UBE2L3: variants seen among roughly 807,000 people sequenced by gnomAD.
UBE2L3 encodes ubiquitin conjugating enzyme E2 L3, also known as ubiquitin-conjugating enzyme E2 L3.
Under a neutral mutation model 17.8 loss-of-function variants are expected in UBE2L3, and 1 was observed. That is an observed-to-expected ratio of 0.06 (90% CI 0.02 to 0.27). The LOEUF is 0.27. Among genes scored for constraint, UBE2L3 ranks in the 10% least tolerant of loss-of-function variants. The pLI is 1.00. For synonymous variants in UBE2L3, 44 were observed against 68.5 expected (o/e 0.64, Z 1.76); for missense variants, 40 against 192.6 (o/e 0.21, Z 4.69).
At chr22:21,587,556 A>C (rs773061298) in intron 1 of UBE2L3, among the ~76,000 whole-genome samples, 1 of 152,182 alleles carries the variant, frequency 6.6e-6, no homozygotes, top group Non-Finnish European at 1.5e-5. Context: ...GATTTTGAAC[A>C]GTTTTCTAGG....
intron 2 of UBE2L3, among the ~76,000 whole-genome samples, chr22:21,606,066 C>T (rs1929141086): frequency 1.3e-5 from 2 of 152,206 alleles, no homozygotes; most frequent in African/African-American, 4.8e-5. Context: ...TGTTGCTACT[C>T]CCATTTTACA....
In UBE2L3 at chr22:21,623,730, T is replaced by C. The variant is rs1930168252; in HGVS notation, c.*2061T>C. 1 of 152,814 alleles carries C rather than the reference T, an allele frequency of 6.5e-6. No homozygotes were observed. The highest frequency in any genetic ancestry group is 1.5e-5 in the Non-Finnish European group (1 of 68,090). The allele number at this position is 152,814 out of a possible 1,614,324, so 9.5% of individuals were successfully genotyped here. On this transcript the variant is annotated 3_prime_UTR_variant, in exon 4 of 4. Coordinates refer to ENST00000342192, the MANE Select transcript of UBE2L3 (RefSeq NM_003347.4). ...GGCTTGGCTTTCGAGCCAGTGGGTGTCTCTCCTTTGGGCCTGGGCGGCTTG... is the reference window on the plus strand; with the variant it reads ...GGCTTGGCTTTCGAGCCAGTGGGTGCCTCTCCTTTGGGCCTGGGCGGCTTG...
intron 2 of UBE2L3, among the ~76,000 whole-genome samples, chr22:21,598,601 A>G (rs1353256573): frequency 7.0e-6 from 1 of 143,066 alleles, no homozygotes; most frequent in Non-Finnish European, 1.5e-5. Context: ...GCTCACACCT[A>G]TATTCCCAGC....
At chr22:21,617,623 C>G (rs1050624237) in intron 3 of UBE2L3, among the ~76,000 whole-genome samples, 2 of 152,036 alleles carry the variant, frequency 1.3e-5, no homozygotes, top group Non-Finnish European at 2.9e-5. Flanking sequence ...TTCTGAGGAG[C>G]ATTTGGGTCA....
chr22:21,598,959 C>A (rs1928707512), intron 2 of UBE2L3, among the ~76,000 whole-genome samples: 1 of 152,066 alleles, frequency 6.6e-6, no homozygotes, highest in African/African-American at 2.4e-5. Flanking sequence ...TTTGCCTCAG[C>A]CTCCCTGGCA....
In UBE2L3 at chr22:21,622,790, A is replaced by G. The variant is rs1930107883; in HGVS notation, c.*1121A>G. On this transcript the variant is annotated 3_prime_UTR_variant, in exon 4 of 4. Coordinates refer to ENST00000342192, the MANE Select transcript of UBE2L3 (RefSeq NM_003347.4). Reference sequence around the variant, plus strand: ...AGAGCAGCCAGCCCAGCCCGGGAACAAGACGGACTTCCTCTCCCTTCGGAC... The same window carrying G: ...AGAGCAGCCAGCCCAGCCCGGGAACGAGACGGACTTCCTCTCCCTTCGGAC... 1 of 152,886 alleles carries G rather than the reference A, an allele frequency of 6.5e-6. No individual in the cohort carries two copies. The highest frequency in any genetic ancestry group is 2.1e-4 in the South Asian group (1 of 4,822). The allele number at this position is 152,886 out of a possible 1,614,324, so 9.5% of individuals were successfully genotyped here.
chr22:21,591,833 G>A (rs866362644), intron 1 of UBE2L3, among the ~76,000 whole-genome samples: 2 of 152,332 alleles, frequency 1.3e-5, no homozygotes, highest in Middle Eastern at 3.4e-3. Context: ...TGCCTGACAG[G>A]TGTGGAGGCG....
intron 1 of UBE2L3, among the ~76,000 whole-genome samples, chr22:21,592,047 C>CA (rs1300014605): frequency 1.3e-5 from 2 of 152,246 alleles, no homozygotes; most frequent in Admixed American, 6.5e-5. Context: ...AAACAGGTGA[C>CA]AGACAGTTCT....
chr22:21,564,554 C>T (rs574401743), upstream of UBE2L3, among the ~76,000 whole-genome samples: 5 of 152,268 alleles, frequency 3.3e-5, no homozygotes, highest in African/African-American at 9.6e-5. Context: ...TGTAGCTCAG[C>T]GGCTTGACTC....
intron 3 of UBE2L3, among the ~76,000 whole-genome samples, chr22:21,613,998 A>T (rs1201063210): frequency 1.3e-5 from 2 of 152,200 alleles, no homozygotes; most frequent in African/African-American, 4.8e-5. Flanking sequence ...AATAGACTTC[A>T]GCTCTTGATG....
Position 21,552,813 on chromosome 22 carries a change from T to A in UBE2L3, c.201+3163T>A, listed in dbSNP as rs1374707778. On this transcript the variant is annotated intron_variant, in intron 1 of 3. Coordinates refer to the UBE2L3 transcript ENST00000458578. ...ATCTCTGCTCACTGCAAGCTCCGCC[T>A]CCTGAGTTCACGCCATTCTCCTGCC... Among the ~76,000 whole-genome samples, 3 of 116,966 alleles carry A rather than the reference T, an allele frequency of 2.6e-5. No individual in the cohort carries two copies. The East Asian group carries it at 7.4e-4, about 29-fold the overall frequency. 76.7% of individuals were successfully genotyped at this position (116,966 alleles called of 152,430 possible). A position where few individuals can be genotyped will look rare whatever the true frequency, so the allele number is the denominator to read the frequency against.
chr22:21,579,800 T>G (rs1163911162), intron 1 of UBE2L3, among the ~76,000 whole-genome samples: 1 of 152,086 alleles, frequency 6.6e-6, no homozygotes, highest in Non-Finnish European at 1.5e-5. Flanking sequence ...ATGATTTTAG[T>G]GTCATTGCTA....
intron 1 of UBE2L3, among the ~76,000 whole-genome samples, chr22:21,586,874 CCT>C (rs1568976992): frequency 2.2e-5 from 3 of 137,972 alleles, no homozygotes; most frequent in Admixed American, 7.8e-5. Flanking sequence ...CTGTGCCCGG[CCT>C]TTTTTTTTTT....
At chr22:21,598,931 C>G (rs1928705753) in intron 2 of UBE2L3, among the ~76,000 whole-genome samples, 1 of 151,966 alleles carries the variant, frequency 6.6e-6, no homozygotes, top group Non-Finnish European at 1.5e-5. Flanking sequence ...GCCTCTACCT[C>G]CTGGGTTCAA....
chr22:21,591,288 G>C (rs1928251430), intron 1 of UBE2L3, among the ~76,000 whole-genome samples: 1 of 152,200 alleles, frequency 6.6e-6, no homozygotes, highest in Non-Finnish European at 1.5e-5. Context: ...TCTCACCACA[G>C]CTATAGCCTG....
chr22:21,572,665 A>G (rs1927045558), intron 1 of UBE2L3, among the ~76,000 whole-genome samples: 1 of 151,798 alleles, frequency 6.6e-6, no homozygotes, highest in Admixed American at 6.6e-5. Flanking sequence ...CACTGCACAC[A>G]CACTGCACAC....
At chr22:21,615,982 T>C (rs60411438) in intron 3 of UBE2L3, among the ~76,000 whole-genome samples, 12,180 of 152,210 alleles carry the variant, frequency 0.08, 1,689 homozygotes, top group African/African-American at 0.28. Context: ...GATATGCCTT[T>C]TGGAGAAAAT....
intron 3 of UBE2L3, among the ~76,000 whole-genome samples, chr22:21,618,599 T>A (rs903272011): frequency 2.0e-5 from 3 of 151,208 alleles, no homozygotes; most frequent in Non-Finnish European, 2.9e-5. Context: ...ATATATTATT[T>A]TTTTTTTGCG....
chr22:21,568,123 C>T, intron 1 of UBE2L3: 2 of 1,059,254 alleles, frequency 1.9e-6, no homozygotes, highest in East Asian at 6.7e-5. Context: ...CCAAACCGGG[C>T]GCCTTCGGGG....
Sources: allele counts gnomAD v4.1 joint callset (sites outside exome capture counted in the v4.1 genomes callset), GRCh38; gene constraint gnomAD v4.1.1; transcripts MANE v1.5; gene names NCBI Gene and HGNC (gene_info 2026-07-23, HGNC 2026-07-21).